Variants in TMIGD3 observed in about 807,000 individuals in gnomAD.
TMIGD3 encodes AD026 protein (AD026).
TMIGD3 carries 21 observed loss-of-function variants against 28.1 expected under a neutral mutation model. That is an observed-to-expected ratio of 0.75 (90% CI 0.53 to 1.08). TMIGD3 has a LOEUF of 1.08. Among genes scored for constraint, TMIGD3 ranks in the 50% least tolerant of loss-of-function variants. The pLI, the probability that TMIGD3 is intolerant of heterozygous loss-of-function variation, is 0.00. For synonymous variants in TMIGD3, 151 were observed against 162.1 expected (o/e 0.93, Z 0.52); for missense variants, 416 against 435.6 (o/e 0.96, Z 0.40).
chr1:111,538,917 A>T (rs1485118758), intron 1 of TMIGD3, among the ~76,000 whole-genome samples: 1 of 152,136 alleles, frequency 6.6e-6, no homozygotes, highest in African/African-American at 2.4e-5. Context: ...ACTCTATTAC[A>T]TGTGATGCTT....
chr1:111,505,877 C>T (rs1216285868), upstream of TMIGD3, among the ~76,000 whole-genome samples: 1 of 152,110 alleles, frequency 6.6e-6, no homozygotes, highest in Non-Finnish European at 1.5e-5. Flanking sequence ...GTGGCTTATA[C>T]CCTTCTGATG....
intron 1 of TMIGD3, among the ~76,000 whole-genome samples, chr1:111,533,493 T>G (rs2101016496): frequency 6.6e-6 from 1 of 152,364 alleles, no homozygotes; most frequent in African/African-American, 2.4e-5. Context: ...TAACCATTAT[T>G]AGCAGTTTGT....
chr1:111,535,536 A>G (rs3860202), intron 1 of TMIGD3, among the ~76,000 whole-genome samples: 38,437 of 152,196 alleles, frequency 0.25, 5,864 homozygotes, highest in Admixed American at 0.43. Flanking sequence ...CCAGCAGTCC[A>G]AGAACTTGCC....
intron 3 of TMIGD3, among the ~76,000 whole-genome samples, chr1:111,487,546 A>G (rs987591812): frequency 7.9e-5 from 12 of 151,964 alleles, no homozygotes; most frequent in Admixed American, 6.6e-4. Context: ...AGCGCCTTCC[A>G]TAAGTCCTCT....
At chr1:111,546,780 T>C (rs185464177) in intron 1 of TMIGD3, among the ~76,000 whole-genome samples, 55 of 152,310 alleles carry the variant, frequency 3.6e-4, no homozygotes, top group Admixed American at 9.8e-4. Flanking sequence ...ATCTTAGATA[T>C]ATACCCAGAA....
chr1:111,492,729 G>A (rs778550646), intron 1 of TMIGD3, among the ~76,000 whole-genome samples: 4 of 151,104 alleles, frequency 2.6e-5, no homozygotes, highest in Admixed American at 6.6e-5. Context: ...CAGGAGAATC[G>A]CTTGAACCCG....
At chr1:111,510,879 C>A (rs77019984) in intron 1 of TMIGD3, among the ~76,000 whole-genome samples, 2 of 152,052 alleles carry the variant, frequency 1.3e-5, no homozygotes, top group East Asian at 3.9e-4. Flanking sequence ...ATGACATTTT[C>A]GATGATCAAT....
At chr1:111,518,489 G>C (rs1182531352) in intron 1 of TMIGD3, among the ~76,000 whole-genome samples, 1 of 152,192 alleles carries the variant, frequency 6.6e-6, no homozygotes, top group African/African-American at 2.4e-5. Context: ...ACAATCAAAA[G>C]CGTCTCCAGA....
At position 111,503,245 on chromosome 1, in the gene TMIGD3, A is replaced by C. The variant is rs780105716; in HGVS notation, c.110T>G (p.Val37Gly). Residue 37 changes from valine (V) to glycine (G), a missense_variant, in exon 1 of 6, where the codon GTC becomes GGC. Transcript: ENST00000369716. ...GGTCTGCAGGCTGGGGTTCAGCTTG[A>C]CCACGCAGATGACCAGCACGTTGCC... is the stretch of plus-strand genomic sequence containing the variant. ...IVGNVLVICV[V>G]KLNPSLQTTT... is the part of the protein sequence containing the mutation. The C allele has an allele frequency of 1.2e-6, 2 of 1,614,214 alleles. No homozygotes were observed. Among genetic ancestry groups the C allele is most frequent in the South Asian group, 2.2e-5 (2 of 91,084 alleles).
chr1:111,496,213 T>C (rs1303106367), intron 1 of TMIGD3, among the ~76,000 whole-genome samples: 1 of 152,184 alleles, frequency 6.6e-6, no homozygotes, highest in East Asian at 1.9e-4. Context: ...TAGCCAGGAC[T>C]TGATTAATAA....
chr1:111,502,171 AAT>A (rs1655236850), intron 1 of TMIGD3, among the ~76,000 whole-genome samples: 1 of 66,936 alleles, frequency 1.5e-5, no homozygotes, highest in African/African-American at 6.5e-5. Context: ...TATTTATTAT[AAT>A]AAATATATAG....
At chr1:111,538,633 C>T (rs573641982) in intron 1 of TMIGD3, among the ~76,000 whole-genome samples, 1 of 152,304 alleles carries the variant, frequency 6.6e-6, no homozygotes, top group East Asian at 1.9e-4. Context: ...GTCTACAAAA[C>T]AATCGCAACA....
intron 1 of TMIGD3, among the ~76,000 whole-genome samples, chr1:111,537,468 G>A (rs1209101201): frequency 1.3e-5 from 2 of 152,208 alleles, no homozygotes; most frequent in Non-Finnish European, 1.5e-5. Flanking sequence ...AAAGACAGGT[G>A]TATAAACAGC....
intron 3 of TMIGD3, among the ~76,000 whole-genome samples, chr1:111,488,158 A>AT (rs1207772776): frequency 6.6e-6 from 1 of 151,718 alleles, no homozygotes; most frequent in African/African-American, 2.4e-5. Context: ...CACGTGGGTC[A>AT]TTTTTTGCAG....
At chr1:111,515,849 G>A (rs1337551030) in intron 1 of TMIGD3, among the ~76,000 whole-genome samples, 1 of 152,238 alleles carries the variant, frequency 6.6e-6, no homozygotes, top group Non-Finnish European at 1.5e-5. Context: ...CGGAACTCCG[G>A]GAGCCGGGGA....
chr1:111,513,608 A>G (rs1043865754), intron 1 of TMIGD3, among the ~76,000 whole-genome samples: 32 of 152,236 alleles, frequency 2.1e-4, no homozygotes, highest in African/African-American at 7.7e-4. Flanking sequence ...TTGTCCCTCT[A>G]AGATAAGTCA....
chr1:111,520,014 G>A (rs753921477), intron 1 of TMIGD3, among the ~76,000 whole-genome samples: 5 of 151,968 alleles, frequency 3.3e-5, no homozygotes, highest in Non-Finnish European at 5.9e-5. Flanking sequence ...TTCTTTGCTG[G>A]GCCCTGTTGT....
intron 1 of TMIGD3, among the ~76,000 whole-genome samples, chr1:111,526,810 A>G (rs1481494631): frequency 6.6e-6 from 1 of 152,124 alleles, no homozygotes; most frequent in Non-Finnish European, 1.5e-5. Context: ...TGCCCTAAAA[A>G]TCATCTGTGC....
In TMIGD3 at chr1:111,522,314, T is replaced by C. The variant is rs575730209; in HGVS notation, c.108-31552A>G. 1.8e-4 allele frequency among the ~76,000 whole-genome samples: 28 copies of C among 152,372 alleles called. No homozygotes were observed. The South Asian group carries it at 5.6e-3, about 30-fold the overall frequency. ...TCTTCAAAAAAGTCTTCTAGGAATTTGATTGGATTGTGTTAAATTGACAAA... is the reference window on the plus strand; with the variant it reads ...TCTTCAAAAAAGTCTTCTAGGAATTCGATTGGATTGTGTTAAATTGACAAA... On this transcript the variant is annotated intron_variant, in intron 1 of 5. Transcript: ENST00000369717.
Sources: allele counts gnomAD v4.1 joint callset (sites outside exome capture counted in the v4.1 genomes callset), GRCh38; gene constraint gnomAD v4.1.1; transcripts MANE v1.5; gene names NCBI Gene and HGNC (gene_info 2026-07-23, HGNC 2026-07-21).